Variants in CNTNAP2 observed in about 807,000 individuals in gnomAD.
CNTNAP2 encodes the protein contactin associated protein 2.
In CNTNAP2, 98 loss-of-function variants were observed where a neutral mutation model predicts 155.2. The ratio of observed to expected loss-of-function variants is 0.63; its 90% CI spans 0.54 to 0.75. The LOEUF is 0.75. Among genes scored for constraint, CNTNAP2 ranks in the 30% least tolerant of loss-of-function variants. The pLI, the probability that CNTNAP2 is intolerant of heterozygous loss-of-function variation, is 0.00. For synonymous variants in CNTNAP2, 651 were observed against 631.2 expected (o/e 1.03, Z -0.47); for missense variants, 1,727 against 1,688.1 (o/e 1.02, Z -0.40).
At chr7:146,231,184 GGGAAATGTTTTT>G (rs1203619051) in intron 1 of CNTNAP2, among the ~76,000 whole-genome samples, 1 of 152,072 alleles carries the variant, frequency 6.6e-6, no homozygotes, top group Admixed American at 6.6e-5. Flanking sequence ...TCAAGTAATG[GGGAAATGTTTTT>G]GGAAAATAGA....
chr7:147,055,400 A>G (rs1358682145), intron 4 of CNTNAP2, among the ~76,000 whole-genome samples: 2 of 152,196 alleles, frequency 1.3e-5, no homozygotes, highest in East Asian at 1.9e-4. Flanking sequence ...CTGATGAAAG[A>G]AGAAAAAGCC....
At chr7:146,538,138 G>C (rs1282911515) in intron 1 of CNTNAP2, among the ~76,000 whole-genome samples, 2 of 152,096 alleles carry the variant, frequency 1.3e-5, no homozygotes, top group Admixed American at 1.3e-4. Context: ...CAACAAAGGT[G>C]ATGAGAAGTA....
intron 3 of CNTNAP2, among the ~76,000 whole-genome samples, chr7:146,958,421 T>TG (rs2129229752): frequency 7.0e-6 from 1 of 142,068 alleles, no homozygotes; most frequent in African/African-American, 2.6e-5. Flanking sequence ...TTTTTTTTTT[T>TG]TTTTTTTTTT....
intron 3 of CNTNAP2, among the ~76,000 whole-genome samples, chr7:146,848,717 C>A (rs1794809657): frequency 6.6e-6 from 1 of 152,056 alleles, no homozygotes; most frequent in Admixed American, 6.6e-5. Context: ...GAGTGGGATT[C>A]TATAAATAAC....
At chr7:146,306,267 C>T (rs753407972) in intron 1 of CNTNAP2, among the ~76,000 whole-genome samples, 2 of 152,054 alleles carry the variant, frequency 1.3e-5, no homozygotes, top group African/African-American at 2.4e-5. Flanking sequence ...AGCCTACCAA[C>T]CAAAAACGTC....
At chr7:147,026,907 A>G (rs1409313329) in intron 3 of CNTNAP2, among the ~76,000 whole-genome samples, 2 of 107,492 alleles carry the variant, frequency 1.9e-5, no homozygotes, top group Admixed American at 8.6e-5. Context: ...GCTTTGTCTC[A>G]GTGCTAAAAA....
intron 1 of CNTNAP2, among the ~76,000 whole-genome samples, chr7:146,352,750 G>GTTTTTTTTTTTTTGTT (rs1794934999): frequency 1.6e-5 from 1 of 64,338 alleles, no homozygotes; most frequent in Non-Finnish European, 2.9e-5. Context: ...GCATAATTCT[G>GTTTTTTTTTTTTTGTT]TTTTTTTTTT....
intron 1 of CNTNAP2, among the ~76,000 whole-genome samples, chr7:146,512,462 T>A (rs947449545): frequency 6.6e-6 from 1 of 151,864 alleles, no homozygotes; most frequent in Non-Finnish European, 1.5e-5. Context: ...TTTTGCTGTA[T>A]CCCATAGGTT....
chr7:146,533,107 CAAAAAAA>C (rs553035616), intron 1 of CNTNAP2, among the ~76,000 whole-genome samples: 512 of 47,854 alleles, frequency 0.011, 2 homozygotes, highest in African/African-American at 0.028. Context: ...GACCCTGTCT[CAAAAAAA>C]AAAAAAAAAA....
intron 1 of CNTNAP2, among the ~76,000 whole-genome samples, chr7:146,689,766 C>G (rs1800665998): frequency 6.6e-6 from 1 of 152,056 alleles, no homozygotes; most frequent in South Asian, 2.1e-4. Flanking sequence ...GAATCAAAAG[C>G]ATTTCACATT....
chr7:147,625,571 A>G (rs1794955429), intron 12 of CNTNAP2, among the ~76,000 whole-genome samples: 1 of 148,548 alleles, frequency 6.7e-6, no homozygotes, highest in African/African-American at 2.5e-5. Flanking sequence ...AATTATTTTA[A>G]AATGTCAATT....
chr7:147,834,295 C>G (rs1798600541), intron 13 of CNTNAP2, among the ~76,000 whole-genome samples: 1 of 152,142 alleles, frequency 6.6e-6, no homozygotes, highest in Non-Finnish European at 1.5e-5. Flanking sequence ...CCATTTAAAG[C>G]TAGGTGGAAC....
At chr7:146,690,157 G>T (rs766979760) in intron 1 of CNTNAP2, among the ~76,000 whole-genome samples, 1 of 151,902 alleles carries the variant, frequency 6.6e-6, no homozygotes, top group African/African-American at 2.4e-5. Context: ...TACTGGAATC[G>T]ATTTAAATAA....
intron 9 of CNTNAP2, among the ~76,000 whole-genome samples, chr7:147,340,649 A>G (rs978041047): frequency 2.0e-5 from 3 of 152,086 alleles, no homozygotes; most frequent in African/African-American, 7.2e-5. Flanking sequence ...TGTCCTAAAA[A>G]CACTTATATG....
intron 1 of CNTNAP2, among the ~76,000 whole-genome samples, chr7:146,150,550 A>G (rs949547237): frequency 3.3e-5 from 5 of 151,952 alleles, no homozygotes; most frequent in African/African-American, 1.2e-4. Context: ...ATATCTTTGT[A>G]GATTTTTTAT....
chr7:147,619,589 T>G (rs978525849), intron 12 of CNTNAP2, among the ~76,000 whole-genome samples: 3 of 152,160 alleles, frequency 2.0e-5, no homozygotes, highest in Non-Finnish European at 4.4e-5. Flanking sequence ...GTGACACTCC[T>G]TTTCCTTTGG....
chr7:148,128,692 T>A (rs1343828720), intron 16 of CNTNAP2, among the ~76,000 whole-genome samples: 1 of 152,202 alleles, frequency 6.6e-6, no homozygotes, highest in Non-Finnish European at 1.5e-5. Context: ...GTCTTCTGGA[T>A]ATAAAAATAT....
intron 3 of CNTNAP2, among the ~76,000 whole-genome samples, chr7:147,018,509 G>C (rs927393419): frequency 1.3e-5 from 2 of 152,124 alleles, no homozygotes; most frequent in Non-Finnish European, 1.5e-5. Context: ...GATAAGAGAG[G>C]AAGAAAGAAT....
At chr7:146,652,339 G>C (rs1563173355) in intron 1 of CNTNAP2, among the ~76,000 whole-genome samples, 1 of 152,104 alleles carries the variant, frequency 6.6e-6, no homozygotes, top group Non-Finnish European at 1.5e-5. Context: ...ACCTACGACT[G>C]TTGGTTCTCT....
Sources: gnomAD v4.1 joint callset for allele counts (sites outside exome capture counted in the v4.1 genomes callset) on GRCh38, gnomAD v4.1.1 for gene constraint, MANE v1.5 for transcripts, NCBI Gene and HGNC (gene_info 2026-07-23, HGNC 2026-07-21) for gene names.